RIF1: variants seen among roughly 807,000 people sequenced by gnomAD.
RIF1 encodes the protein replication timing regulatory factor 1.
RIF1 carries 45 observed loss-of-function variants against 247.1 expected under a neutral mutation model. That is an observed-to-expected ratio of 0.18 (90% CI 0.14 to 0.23). The LOEUF is 0.23. Ranked by LOEUF, RIF1 falls within the 10% of genes least tolerant of loss-of-function variation. The probability of loss-of-function intolerance (pLI) is 1.00; values close to 1 mark genes in which losing one functional copy is unlikely to be tolerated. For synonymous variants in RIF1, 1,087 were observed against 978.8 expected (o/e 1.11, Z -2.06); for missense variants, 2,967 against 2,862.5 (o/e 1.04, Z -0.83).
chr2:151,432,505 A>G (rs956702519), intron 9 of RIF1, among the ~76,000 whole-genome samples: 1 of 152,190 alleles, frequency 6.6e-6, no homozygotes, highest in African/African-American at 2.4e-5. Flanking sequence ...TCAAAAATGT[A>G]TTCAGTCAGT....
At chr2:151,496,598 G>GAGTT (rs1227162007) in intron 10 of RIF1, among the ~76,000 whole-genome samples, 3 of 152,188 alleles carry the variant, frequency 2.0e-5, no homozygotes, top group Admixed American at 6.5e-5. Context: ...AAGGCTGTCA[G>GAGTT]AGTTATCCAT....
intron 9 of RIF1, among the ~76,000 whole-genome samples, chr2:151,489,493 G>C (rs1244351941): frequency 6.6e-6 from 1 of 152,142 alleles, no homozygotes; most frequent in Non-Finnish European, 1.5e-5. Context: ...CAAATTTCCA[G>C]GCTCAAGCAA....
At chr2:151,524,664 T>C in the RIF1 span, 2 of 1,367,730 alleles carry the variant, frequency 1.5e-6, no homozygotes, top group East Asian at 2.4e-5. Flanking sequence ...CTTTTTTTTT[T>C]TTTTTTTTTT....
intron 9 of RIF1, among the ~76,000 whole-genome samples, chr2:151,431,299 G>A (rs1173734722): frequency 6.6e-6 from 1 of 152,152 alleles, no homozygotes; most frequent in Non-Finnish European, 1.5e-5. Context: ...CCTAGAAATA[G>A]CCTTCTAAGA....
In RIF1 at chr2:151,478,192, G is replaced by T. The variant is rs145909161; in HGVS notation, c.*3121G>T. The T allele has an allele frequency of 3.3e-5, 5 of 152,292 alleles. No homozygotes were observed. In the East Asian group the frequency reaches 9.6e-4, roughly 29 times the overall value. The allele number at this position is 152,292 out of a possible 1,614,324, so 9.4% of individuals were successfully genotyped here. A position where few individuals can be genotyped will look rare whatever the true frequency, so the allele number is the denominator to read the frequency against. ...AGGATGAATCAGGTTAAATAATGCT[G>T]TTGGATAATACAGGCAAAAACAGGA... On this transcript the variant is annotated 3_prime_UTR_variant, in exon 36 of 36. Coordinates refer to ENST00000444746, the MANE Select transcript of RIF1 (RefSeq NM_018151.5).
chr2:151,474,675 CATA>C (rs1574195086), intron 35 of RIF1, among the ~76,000 whole-genome samples, 179 bp from the exon 36 acceptor site: 1 of 152,116 alleles, frequency 6.6e-6, no homozygotes, highest in African/African-American at 2.4e-5. Flanking sequence ...GGCTCCATCT[CATA>C]ATAATAATAA....
At chr2:151,521,385 C>A in the RIF1 span, among the ~76,000 whole-genome samples, 344 of 152,270 alleles carry the variant, frequency 2.3e-3, 8 homozygotes, top group East Asian at 0.044. Context: ...AATGGCTCTT[C>A]TCTGAAAAAG....
At chr2:151,491,775 C>A in intron 9 of RIF1, 5 of 1,580,384 alleles carry the variant, frequency 3.2e-6, no homozygotes, top group Non-Finnish European at 4.3e-6. Flanking sequence ...GACACGTAAA[C>A]CTGAAAGGGA....
intron 11 of RIF1, chr2:151,502,926 G>GGC (rs2065852570): frequency 1.6e-6 from 2 of 1,227,588 alleles, no homozygotes; most frequent in Non-Finnish European, 2.3e-6. Flanking sequence ...ATTTAAAACA[G>GGC]GCACAGAGAG....
At chr2:151,459,086 A>T (rs913478937) in intron 25 of RIF1, among the ~76,000 whole-genome samples, 176 bp downstream of exon 25, 2 of 152,198 alleles carry the variant, frequency 1.3e-5, no homozygotes, top group African/African-American at 4.8e-5. Context: ...TCTCATGTAA[A>T]TAATCTCTAA....
chr2:151,516,333 A>T, the RIF1 span: 1 of 606,482 alleles, frequency 1.6e-6, no homozygotes. Context: ...GATTTTAGTG[A>T]TCACATGATA....
chr2:151,440,635 T>G (rs1483676116), intron 15 of RIF1, among the ~76,000 whole-genome samples: 3 of 152,152 alleles, frequency 2.0e-5, no homozygotes, highest in Non-Finnish European at 4.4e-5. Context: ...ACCCTTAAAT[T>G]CTGATTTTGT....
rs777212572 is a variant in RIF1, at chr2:151,436,815, T to C, written c.1196-12T>C. ...CTTGTATGACTTAACTCTTTTTTTTTTTTTCTTAAAGGTGCTTCCTCCCCG... is the reference window on the plus strand; with the variant it reads ...CTTGTATGACTTAACTCTTTTTTTTCTTTTCTTAAAGGTGCTTCCTCCCCG... On this transcript the variant is annotated splice_polypyrimidine_tract_variant and intron_variant, in intron 11 of 35. Transcript: ENST00000444746. 2 of 1,556,704 alleles carry C rather than the reference T, an allele frequency of 1.3e-6. No homozygotes were observed. The highest frequency in any genetic ancestry group is 1.7e-6 in the Non-Finnish European group (2 of 1,156,232).
At chr2:151,492,006 T>G in intron 9 of RIF1, 1 of 1,344,942 alleles carries the variant, frequency 7.4e-7, no homozygotes, top group Non-Finnish European at 1.0e-6. Flanking sequence ...ATTGAAGTCC[T>G]TTATGTTTTG....
intron 8 of RIF1, chr2:151,423,789 G>T (rs1216887783): frequency 6.6e-6 from 1 of 152,188 alleles, no homozygotes; most frequent in African/African-American, 2.4e-5. Context: ...GGGTGGTAGG[G>T]GGTGTGCTGC....
At chr2:151,452,780 A>G (rs1285262494) in intron 21 of RIF1, among the ~76,000 whole-genome samples, 3 of 152,376 alleles carry the variant, frequency 2.0e-5, no homozygotes, top group Non-Finnish European at 4.4e-5. Flanking sequence ...CTGAAGTTTC[A>G]TAGAGCGAAG....
chr2:151,508,543 T>C (rs914486741), downstream of RIF1, among the ~76,000 whole-genome samples: 4 of 152,228 alleles, frequency 2.6e-5, no homozygotes, highest in African/African-American at 7.2e-5. Flanking sequence ...ACATGACCTC[T>C]AGAAAGCCTT....
intron 9 of RIF1, among the ~76,000 whole-genome samples, chr2:151,489,100 T>G (rs985421946): frequency 6.6e-6 from 1 of 152,214 alleles, no homozygotes; most frequent in Non-Finnish European, 1.5e-5. Context: ...CATTGGTTTA[T>G]TTCAGGGAAA....
chr2:151,463,546 G>C lies in RIF1; in HGVS notation c.4026G>C (p.Gln1342His). The C allele has an allele frequency of 6.2e-7, 1 of 1,613,954 alleles. No homozygotes were observed. Reference protein sequence around the residue: ...LNQTECVSDNQVHLSESTMEH... With the variant: ...LNQTECVSDNHVHLSESTMEH... Reference sequence around the variant, plus strand: ...AAACAGAATGTGTGTCAGATAATCAGGTTCATCTTTCTGAATCTACAATGG... The same window carrying C: ...AAACAGAATGTGTGTCAGATAATCACGTTCATCTTTCTGAATCTACAATGG... The change falls in exon 30 of 36, where the codon CAG becomes CAC. Residue 1342 changes from glutamine (Q) to histidine (H), a missense_variant. By Grantham distance (24) the Gln-to-His change is conservative. Around this residue, in one of 7 missense-constraint regions of RIF1, gnomAD observed 2,028 missense variants for 1,825.6 expected, o/e 1.11. Coordinates refer to ENST00000444746, the MANE Select transcript of RIF1 (RefSeq NM_018151.5).
Sources: allele counts gnomAD v4.1 joint callset (sites outside exome capture counted in the v4.1 genomes callset), GRCh38; gene constraint gnomAD v4.1.1; regional missense constraint gnomAD v4.1.1; transcripts MANE v1.5; gene names NCBI Gene and HGNC (gene_info 2026-07-23, HGNC 2026-07-21).